CHMP3: variants seen among roughly 807,000 people sequenced by gnomAD.
CHMP3 encodes the protein 25.1 protein.
In CHMP3, 8 loss-of-function variants were observed where a neutral mutation model predicts 27.4. That is an observed-to-expected ratio of 0.29 (90% CI 0.17 to 0.53). CHMP3 has a LOEUF of 0.53. Ranked by LOEUF, CHMP3 falls within the 20% of genes least tolerant of loss-of-function variation. CHMP3 has a pLI of 0.96. For missense variants in CHMP3, 208 were observed against 271.5 expected (o/e 0.77, Z 1.64); for synonymous variants, 86 against 85.5 (o/e 1.01, Z -0.03).
At chr2:86,506,995 T>G (rs981244119) in intron 5 of CHMP3, 1 of 152,006 alleles carries the variant, frequency 6.6e-6, no homozygotes, top group Non-Finnish European at 1.5e-5. Flanking sequence ...TTCATTAAAC[T>G]CCCAGAAGTC....
chr2:86,509,645 C>T (rs1007990891), intron 4 of CHMP3, among the ~76,000 whole-genome samples: 7 of 152,198 alleles, frequency 4.6e-5, no homozygotes, highest in African/African-American at 1.7e-4. Flanking sequence ...TGACAACTCA[C>T]GTGATAAGGT....
intron 3 of CHMP3, among the ~76,000 whole-genome samples, chr2:86,524,989 C>G (rs1573257478): frequency 6.6e-6 from 1 of 152,320 alleles, no homozygotes; most frequent in Admixed American, 6.5e-5. Flanking sequence ...ACATCCTCTA[C>G]TTATTTACAG....
intron 1 of CHMP3, among the ~76,000 whole-genome samples, chr2:86,545,888 C>T (rs1438124684): frequency 3.3e-5 from 5 of 150,776 alleles, no homozygotes. Flanking sequence ...ACAGGGCGGC[C>T]GGGCAGAGCG....
Position 86,545,658 on chromosome 2 carries a change from G to A in CHMP3, c.46-3346C>T, listed in dbSNP as rs374585613. Reference sequence around the variant, plus strand: ...GAGGCGCTCCTCAGTTCCCAGACGGGGTGGCCGGGCAGAGGCACTCCTCAG... The same window carrying A: ...GAGGCGCTCCTCAGTTCCCAGACGGAGTGGCCGGGCAGAGGCACTCCTCAG... On this transcript the variant is annotated intron_variant, in intron 1 of 5. Coordinates refer to ENST00000263856, the MANE Select transcript of CHMP3 (RefSeq NM_016079.4). Among the ~76,000 whole-genome samples the A allele has an allele frequency of 7.9e-5, 12 of 151,192 alleles. No homozygotes were observed. The East Asian group carries it at 1.8e-3, about 22-fold the overall frequency.
At chr2:86,561,755 T>C (rs2104076572) in intron 1 of CHMP3, 1 of 152,334 alleles carries the variant, frequency 6.6e-6, no homozygotes, top group South Asian at 2.1e-4. Context: ...CAATATCGTG[T>C]TCTTAGCAAT....
At chr2:86,547,536 G>A (rs561544259) in intron 1 of CHMP3, among the ~76,000 whole-genome samples, 1 of 152,150 alleles carries the variant, frequency 6.6e-6, no homozygotes, top group Non-Finnish European at 1.5e-5. Context: ...AAAGTCAACT[G>A]GGAAACTTTA....
intron 3 of CHMP3, among the ~76,000 whole-genome samples, chr2:86,523,511 C>A (rs1675595437): frequency 6.6e-6 from 1 of 152,050 alleles, no homozygotes; most frequent in Non-Finnish European, 1.5e-5. Context: ...CGATTTTAAC[C>A]CCAGTGCCCA....
intron 3 of CHMP3, among the ~76,000 whole-genome samples, chr2:86,518,104 A>C (rs1189222329): frequency 6.6e-6 from 1 of 152,244 alleles, no homozygotes; most frequent in Non-Finnish European, 1.5e-5. Flanking sequence ...AAACACAATG[A>C]ATCAGATTAT....
At chr2:86,515,320 C>CT (rs1175806836) in intron 3 of CHMP3, 1 of 152,038 alleles carries the variant, frequency 6.6e-6, no homozygotes. Flanking sequence ...AGATTTCTTT[C>CT]TTTCTTTCTT....
chr2:86,503,940 G>C lies in CHMP3; in HGVS notation c.*1864C>G, dbSNP rs1242035975. On this transcript the variant is annotated 3_prime_UTR_variant, in exon 6 of 6. Transcript: ENST00000263856. The stretch of plus-strand genomic sequence containing the variant: ...TACTGGGGCCTACCTGAGGGTGGAG[G>C]GTGGGAAAAGGGACAGGACCAGAAA... 6.6e-6 allele frequency: 1 copy of C among 152,142 alleles called. No individual in the cohort carries two copies. Among genetic ancestry groups the C allele is most frequent in the Non-Finnish European group, 1.5e-5 (1 of 68,032 alleles). 9.4% of individuals were successfully genotyped at this position (152,142 alleles called of 1,614,324 possible). A position where few individuals can be genotyped will look rare whatever the true frequency, so the allele number is the denominator to read the frequency against.
chr2:86,538,083 A>C (rs1485307074), intron 2 of CHMP3, among the ~76,000 whole-genome samples: 1 of 152,252 alleles, frequency 6.6e-6, no homozygotes, highest in African/African-American at 2.4e-5. Context: ...AATATTACTC[A>C]GCCTTAAAAA....
In CHMP3 at chr2:86,538,984, A is replaced by G. The variant is rs541646622; in HGVS notation, c.106+3268T>C. Among the ~76,000 whole-genome samples the G allele has an allele frequency of 2.0e-5, 3 of 152,314 alleles. No individual in the cohort carries two copies. The East Asian group carries it at 5.8e-4, about 29-fold the overall frequency. On this transcript the variant is annotated intron_variant, in intron 2 of 5. Coordinates refer to ENST00000263856, the MANE Select transcript of CHMP3 (RefSeq NM_016079.4). ...AAACAGAATATTACGAACATGCCACAAGGCCCCCTTACGTTACCTTTAATC... is the reference window on the plus strand; with the variant it reads ...AAACAGAATATTACGAACATGCCACGAGGCCCCCTTACGTTACCTTTAATC...
At chr2:86,554,816 C>CGT (rs70956121) in intron 1 of CHMP3, among the ~76,000 whole-genome samples, 7,309 of 145,292 alleles carry the variant, frequency 0.05, 248 homozygotes, top group African/African-American at 0.095. Context: ...TGTGTGCGCG[C>CGT]GTGTGTGTGT....
chr2:86,559,834 G>A (rs1230558552), intron 1 of CHMP3, among the ~76,000 whole-genome samples: 1 of 152,186 alleles, frequency 6.6e-6, no homozygotes, highest in Non-Finnish European at 1.5e-5. Context: ...ACATGACAGT[G>A]AAAGGTCAAA....
At chr2:86,533,224 C>T (rs377549239) in intron 2 of CHMP3, among the ~76,000 whole-genome samples, 2 of 152,170 alleles carry the variant, frequency 1.3e-5, no homozygotes, top group African/African-American at 4.8e-5. Flanking sequence ...AATTGTCCAT[C>T]GTATTCTTAT....
chr2:86,526,716 A>G (rs976415157), intron 3 of CHMP3, among the ~76,000 whole-genome samples: 1 of 151,294 alleles, frequency 6.6e-6, no homozygotes, highest in Non-Finnish European at 1.5e-5. Context: ...AGATAATTTT[A>G]TTGTGGTTGC....
intron 3 of CHMP3, chr2:86,511,127 C>T (rs1039802444): frequency 3.9e-5 from 6 of 152,140 alleles, no homozygotes; most frequent in African/African-American, 7.2e-5. Flanking sequence ...AGTTGGCAAC[C>T]ATCTAAACCT....
At chr2:86,508,111 T>C (rs893677893) in intron 4 of CHMP3, among the ~76,000 whole-genome samples, 1 of 152,150 alleles carries the variant, frequency 6.6e-6, no homozygotes, top group Non-Finnish European at 1.5e-5. Flanking sequence ...AATGGGGTAA[T>C]CTGGTAGGTC....
intron 3 of CHMP3, among the ~76,000 whole-genome samples, chr2:86,520,353 C>T (rs1222756873): frequency 1.3e-5 from 2 of 152,112 alleles, no homozygotes; most frequent in Non-Finnish European, 2.9e-5. Context: ...GAAGCAGGCA[C>T]ATCTCCACTG....
Sources: gnomAD v4.1 joint callset for allele counts (sites outside exome capture counted in the v4.1 genomes callset) on GRCh38, gnomAD v4.1.1 for gene constraint, MANE v1.5 for transcripts, NCBI Gene and HGNC (gene_info 2026-07-23, HGNC 2026-07-21) for gene names.